PCDHGA6: variants seen among roughly 807,000 people sequenced by gnomAD.
PCDHGA6 encodes protocadherin gamma subfamily A, 6.
A neutral mutation model predicts 60.6 loss-of-function variants in PCDHGA6; 41 were observed. The observed-to-expected ratio is 0.68, with a 90% CI of 0.53 to 0.88. PCDHGA6 has a LOEUF of 0.88. Among genes scored for constraint, PCDHGA6 ranks in the 40% least tolerant of loss-of-function variants. PCDHGA6 has a pLI of 0.00. For synonymous variants in PCDHGA6, 594 were observed against 524.4 expected (o/e 1.13, Z -1.81); for missense variants, 1,312 against 1,203.0 (o/e 1.09, Z -1.34).
chr5:141,488,312 A>G lies in PCDHGA6; in HGVS notation c.2425-6495A>G, dbSNP rs952247975. 7.9e-5 allele frequency among the ~76,000 whole-genome samples: 12 copies of G among 152,286 alleles called. 1 individual carries two copies. Among genetic ancestry groups the G allele is most frequent in the African/African-American group, 2.9e-4 (12 of 41,558 alleles). On this transcript the variant is annotated intron_variant, in intron 1 of 3. Coordinates refer to ENST00000517434, the MANE Select transcript of PCDHGA6 (RefSeq NM_018919.3). ...AGTAAGTGAAATCACTTATGTCAGA[A>G]AACTGGTTTACAGTTGGCTGATTCA...
intron 1 of PCDHGA6, chr5:141,383,664 G>T (rs1486639863): frequency 6.2e-7 from 1 of 1,614,052 alleles, no homozygotes; most frequent in Non-Finnish European, 8.5e-7. Flanking sequence ...CCGAGAATGT[G>T]CCAGTGGGTA....
At chr5:141,420,527 G>T (rs368419425) in intron 1 of PCDHGA6, 3 of 349,150 alleles carry the variant, frequency 8.6e-6, no homozygotes, top group Non-Finnish European at 1.5e-5. Flanking sequence ...ATACCTTTCG[G>T]TTAAAAATAT....
At chr5:141,419,962 G>A in intron 1 of PCDHGA6, 1 of 1,614,092 alleles carries the variant, frequency 6.2e-7, no homozygotes, top group African/African-American at 1.3e-5. Context: ...TGATTTCTGT[G>A]CTCTTTCTCC....
rs753051237 is a variant in PCDHGA6, at chr5:141,490,422, A to G, written c.2425-4385A>G. On this transcript the variant is annotated intron_variant, in intron 1 of 3. Coordinates refer to ENST00000517434, the MANE Select transcript of PCDHGA6 (RefSeq NM_018919.3). This position sits in a 1 kb window ranked among gnomAD's most constrained non-coding sequence, Gnocchi z 5.4. Reference sequence around the variant, plus strand: ...GCCTTGATATCTCTCCGGACCTGCCATTTCAGATTAAGCCTTCTGAGAACC... The same window carrying G: ...GCCTTGATATCTCTCCGGACCTGCCGTTTCAGATTAAGCCTTCTGAGAACC... 1 of 1,614,178 alleles carries G rather than the reference A, an allele frequency of 6.2e-7. No individual in the cohort carries two copies. The highest frequency in any genetic ancestry group is 1.7e-5 in the Admixed American group (1 of 60,030).
rs759647406 is a variant in PCDHGA6 at position 141,493,849 on chromosome 5, A to G, written c.2425-958A>G. Among the ~76,000 whole-genome samples the G allele has an allele frequency of 6.6e-6, 1 of 152,178 alleles. No individual in the cohort carries two copies. The highest frequency in any genetic ancestry group is 1.5e-5 in the Non-Finnish European group (1 of 68,028). ...CTGGGAGCAAGTATGAGTATTAATT[A>G]CCAGCCCACCCCAGAACCAGTGAGG... On this transcript the variant is annotated intron_variant, in intron 1 of 3. Coordinates refer to ENST00000517434, the MANE Select transcript of PCDHGA6 (RefSeq NM_018919.3). The surrounding 1 kb of genome is among the most constrained non-coding windows in gnomAD (Gnocchi z 4.3).
rs775918752 is a variant in PCDHGA6 at position 141,375,143 on chromosome 5, A to G, written c.1060A>G (p.Arg354Gly). The change falls in exon 1 of 4, where the codon AGA becomes GGA. Residue 354 changes from arginine to glycine, a missense_variant. Transcript: ENST00000517434. Reference sequence around the variant, plus strand: ...AGAAGTGGTTGTTACATCTGGAAGCAGAACAATTGCTGAAAGTGCACCTCC... The same window carrying G: ...AGAAGTGGTTGTTACATCTGGAAGCGGAACAATTGCTGAAAGTGCACCTCC... The part of the protein sequence containing the change: ...VPEVVVTSGS[R>G]TIAESAPPGT... 20 of 1,613,992 alleles carry G rather than the reference A, an allele frequency of 1.2e-5. No homozygotes were observed. The Admixed American group carries it at 2.8e-4, about 23-fold the overall frequency.
At chr5:141,488,991 T>G in intron 1 of PCDHGA6, 1 of 414,332 alleles carries the variant, frequency 2.4e-6, no homozygotes, top group Non-Finnish European at 4.3e-6. Flanking sequence ...AGAGCTGAGG[T>G]GGGAGATCTG....
In PCDHGA6 at chr5:141,505,438, T is replaced by C. The variant is rs149352680; in HGVS notation, c.2529T>C (p.Phe843=). The C allele has an allele frequency of 6.8e-6, 11 of 1,614,046 alleles. No homozygotes were observed. The African/African-American group carries it at 1.5e-4, about 22-fold the overall frequency. The stretch of plus-strand genomic sequence containing the variant: ...CCGGCACCTGGCCCAACAACCAGTT[T>C]GACACAGAGATGCTGCAAGCCATGA... ...DDTGTWPNNQ[F]DTEMLQAMIL... Residue 843 remains phenylalanine, a synonymous_variant, in exon 3 of 4, where the codon TTT becomes TTC. Transcript: ENST00000517434.
chr5:141,379,834 G>GA (rs199662644), intron 1 of PCDHGA6, among the ~76,000 whole-genome samples: 3,037 of 141,342 alleles, frequency 0.021, 48 homozygotes, highest in South Asian at 0.041. Flanking sequence ...GAAGCATCAG[G>GA]AAAAAAAACT....
intron 1 of PCDHGA6, chr5:141,400,300 C>T: frequency 6.2e-7 from 1 of 1,614,084 alleles, no homozygotes; most frequent in Non-Finnish European, 8.5e-7. Context: ...CTGCTTCCAA[C>T]CTGGTCTCTG....
rs1368226100 is a variant in PCDHGA6, at chr5:141,511,268, C to T, written c.*95C>T. The stretch of plus-strand genomic sequence containing the variant: ...CAGGCCTCAGAGTTTCAGGGCTAAC[C>T]CCCAGAATACTGGTAGGGGCCAAGG... On this transcript the variant is annotated 3_prime_UTR_variant, in exon 4 of 4. Coordinates refer to ENST00000517434, the MANE Select transcript of PCDHGA6 (RefSeq NM_018919.3). 1.9e-6 allele frequency: 3 copies of T among 1,546,408 alleles called. No individual in the cohort carries two copies. The highest frequency in any genetic ancestry group is 2.4e-5 in the East Asian group (1 of 41,246).
chr5:141,409,875 A>G, intron 1 of PCDHGA6: 1 of 1,612,810 alleles, frequency 6.2e-7, no homozygotes, highest in Non-Finnish European at 8.5e-7. Flanking sequence ...CGCAATGACA[A>G]CGCACCGCGG....
intron 1 of PCDHGA6, among the ~76,000 whole-genome samples, chr5:141,447,895 G>A (rs931589569): frequency 1.3e-5 from 2 of 152,068 alleles, no homozygotes; most frequent in Non-Finnish European, 2.9e-5. Context: ...AGACCAGCCT[G>A]GCCAACATGG....
chr5:141,486,168 A>C lies in PCDHGA6; in HGVS notation c.2425-8639A>C, dbSNP rs774913463. 6.2e-7 allele frequency: 1 copy of C among 1,614,196 alleles called. No homozygotes were observed. Among genetic ancestry groups the C allele is most frequent in the South Asian group, 1.1e-5 (1 of 91,084 alleles). On this transcript the variant is annotated intron_variant, in intron 1 of 3. Transcript: ENST00000517434. The surrounding 1 kb of genome is among the most constrained non-coding windows in gnomAD (Gnocchi z 5.0). ...GATGGGGGTTCTCCAGCCATGGAGC[A>C]ACATTGCAGCCTTCGAGTGGATCTG...
Position 141,485,113 on chromosome 5 carries a change from T to G in PCDHGA6, c.2425-9694T>G. On this transcript the variant is annotated intron_variant, in intron 1 of 3. Transcript: ENST00000517434. This position sits in a 1 kb window ranked among gnomAD's most constrained non-coding sequence, Gnocchi z 5.7. ...AGGTGTCTCCAGCTGCTGTGGCTGTTTGGGGCGGGTCGGCTTCATCCGCGT... is the reference window on the plus strand; with the variant it reads ...AGGTGTCTCCAGCTGCTGTGGCTGTGTGGGGCGGGTCGGCTTCATCCGCGT... 1 of 1,286,014 alleles carries G rather than the reference T, an allele frequency of 7.8e-7. No individual in the cohort carries two copies. Among genetic ancestry groups the G allele is most frequent in the Non-Finnish European group, 1.1e-6 (1 of 898,642 alleles). 79.7% of individuals were successfully genotyped at this position (1,286,014 alleles called of 1,614,324 possible). A position where few individuals can be genotyped will look rare whatever the true frequency, so the allele number is the denominator to read the frequency against.
In PCDHGA6 at chr5:141,374,245, G is replaced by A. The variant is rs1460959579; in HGVS notation, c.162G>A (p.Leu54=). The A allele has an allele frequency of 1.2e-6, 2 of 1,613,980 alleles. No homozygotes were observed. Among genetic ancestry groups the A allele is most frequent in the Non-Finnish European group, 1.7e-6 (2 of 1,179,888 alleles). ...GCAACATCGTCAAGGATCTGGGACT[G>A]GAGCCCCAGGAGTTGGCGGAGCACG... The part of the protein sequence containing the change: ...FVGNIVKDLG[L]EPQELAEHGV... The change falls in exon 1 of 4, where the codon CTG becomes CTA. Residue 54 remains leucine (L), a synonymous_variant. Coordinates refer to ENST00000517434, the MANE Select transcript of PCDHGA6 (RefSeq NM_018919.3).
chr5:141,457,336 C>T (rs1032184011), intron 1 of PCDHGA6, among the ~76,000 whole-genome samples: 6 of 152,158 alleles, frequency 3.9e-5, no homozygotes, highest in Admixed American at 3.3e-4. Context: ...AGGTACCTTA[C>T]TTACTTTCAT....
chr5:141,409,060 G>C (rs1464240645), intron 1 of PCDHGA6: 1 of 1,614,000 alleles, frequency 6.2e-7, no homozygotes, highest in Non-Finnish European at 8.5e-7. Flanking sequence ...GCACTGCCCA[G>C]AGCACAAAAC....
At chr5:141,404,114 G>C (rs2094486353) in intron 1 of PCDHGA6, 4 of 1,613,348 alleles carry the variant, frequency 2.5e-6, no homozygotes, top group Non-Finnish European at 3.4e-6. Context: ...TTCTATCCAG[G>C]AGAATCTATC....
Sources: allele counts gnomAD v4.1 joint callset (sites outside exome capture counted in the v4.1 genomes callset), GRCh38; gene constraint gnomAD v4.1.1; non-coding constraint Gnocchi (gnomAD v3.1); transcripts MANE v1.5; gene names NCBI Gene and HGNC (gene_info 2026-07-23, HGNC 2026-07-21).